CUBN: variants seen among roughly 807,000 people sequenced by gnomAD.
CUBN encodes 460 kDa receptor.
CUBN carries 282 observed loss-of-function variants against 405.3 expected under a neutral mutation model. The observed-to-expected ratio is 0.70, with a 90% confidence interval of 0.63 to 0.77. The LOEUF is 0.77. Among genes scored for constraint, CUBN ranks in the 30% least tolerant of loss-of-function variants. The pLI is 0.00. For missense variants in CUBN, 4,514 were observed against 4,475.2 expected (o/e 1.01, Z -0.25); for synonymous variants, 1,684 against 1,617.0 (o/e 1.04, Z -0.99).
chr10:16,843,340 T>C (rs1564381144), intron 60 of CUBN, among the ~76,000 whole-genome samples: 6 of 152,360 alleles, frequency 3.9e-5, no homozygotes, highest in Admixed American at 3.3e-4. Context: ...AACAGAGCTA[T>C]GTGTTCAAGG....
intron 21 of CUBN, among the ~76,000 whole-genome samples, chr10:17,066,976 G>A (rs1835624572): frequency 6.6e-6 from 1 of 152,104 alleles, no homozygotes; most frequent in African/African-American, 2.4e-5. Context: ...AAACAAATGA[G>A]TTTAAAGGCA....
chr10:16,944,401 T>G (rs1842727447), intron 36 of CUBN, among the ~76,000 whole-genome samples: 1 of 152,230 alleles, frequency 6.6e-6, no homozygotes, highest in Non-Finnish European at 1.5e-5. Context: ...CCGTTCCTTT[T>G]TGTTGCAGAT....
In CUBN at chr10:17,108,249, T is replaced by A. The variant is rs184577573; in HGVS notation, c.1111+1391A>T. Among the ~76,000 whole-genome samples, 11 of 152,276 alleles carry A rather than the reference T, an allele frequency of 7.2e-5. No homozygotes were observed. The East Asian group carries it at 1.7e-3, about 24-fold the overall frequency. On this transcript the variant is annotated intron_variant, in intron 10 of 66. Transcript: ENST00000377833. ...AGAACTAAAGCACAGAGATTAAGTG[T>A]CTTCACTGAGGACAAGCAGCTAAAA...
intron 31 of CUBN, among the ~76,000 whole-genome samples, chr10:16,980,622 G>A (rs919314559): frequency 5.3e-5 from 8 of 152,170 alleles, no homozygotes; most frequent in Admixed American, 2.6e-4. Flanking sequence ...ATTCTCACTC[G>A]TAAGTGGGAG....
chr10:17,051,433 T>C (rs529007775), intron 22 of CUBN, among the ~76,000 whole-genome samples: 1 of 151,512 alleles, frequency 6.6e-6, no homozygotes, highest in Non-Finnish European at 1.5e-5. Flanking sequence ...TCAAGAAAAA[T>C]GTGGTCATAG....
At chr10:16,867,510 A>T (rs1301934623) in intron 59 of CUBN, among the ~76,000 whole-genome samples, 1 of 152,214 alleles carries the variant, frequency 6.6e-6, no homozygotes, top group South Asian at 2.1e-4. Context: ...AAATCATAAT[A>T]CTTAGGTTTT....
intron 22 of CUBN, among the ~76,000 whole-genome samples, chr10:17,063,131 G>A (rs555731764): frequency 6.6e-6 from 1 of 152,130 alleles, no homozygotes; most frequent in East Asian, 1.9e-4. Flanking sequence ...AATGCTGCAG[G>A]ACCCCCCCTC....
chr10:16,841,947 T>A (rs1157072525), intron 60 of CUBN, among the ~76,000 whole-genome samples: 1 of 141,896 alleles, frequency 7.0e-6, no homozygotes, highest in Non-Finnish European at 1.5e-5. Flanking sequence ...CCCAACTCAA[T>A]AAGGCCTTCC....
chr10:17,123,492 G>C, intron 5 of CUBN, 96 bp downstream of exon 5: 1 of 986,554 alleles, frequency 1.0e-6, no homozygotes, highest in South Asian at 1.4e-5. Flanking sequence ...CAGAATCCTA[G>C]AAACTTTAGA....
intron 28 of CUBN, among the ~76,000 whole-genome samples, chr10:17,002,281 A>T (rs969170236): frequency 2.0e-5 from 3 of 152,100 alleles, no homozygotes; most frequent in Non-Finnish European, 4.4e-5. Context: ...TCATACGAAA[A>T]AGTGTGGAAT....
In CUBN at chr10:17,129,138, T is replaced by A; in HGVS notation, c.235A>T (p.Ser79Cys). The change falls in exon 2 of 67, where the codon AGT (serine) becomes TGT (cysteine). Residue 79 changes from serine (S) to cysteine (C), a missense_variant. Physicochemically the swap from Ser to Cys is moderately radical, Grantham distance 112. Around this residue, in one of 5 missense-constraint regions of CUBN, gnomAD observed 1,448 missense variants for 1,388.0 expected, o/e 1.04. Coordinates refer to ENST00000377833, the MANE Select transcript of CUBN (RefSeq NM_001081.4). ...TGTATTACCTGATGTAAACACTCACTGAGATCTTCATCATTTAATTTAATT... is the reference window on the plus strand; with the variant it reads ...TGTATTACCTGATGTAAACACTCACAGAGATCTTCATCATTTAATTTAATT... ...GKIKLNDEDL[S>C]ECLHQIQKNK... is the part of the protein sequence containing the mutation. The A allele has an allele frequency of 6.2e-7, 1 of 1,612,206 alleles. No individual in the cohort carries two copies. The highest frequency in any genetic ancestry group is 1.1e-5 in the South Asian group (1 of 91,044).
At chr10:17,034,148 A>G (rs7894538) in intron 27 of CUBN, among the ~76,000 whole-genome samples, 10,174 of 152,250 alleles carry the variant, frequency 0.067, 1,133 homozygotes, top group African/African-American at 0.23. Flanking sequence ...CCCCCACACT[A>G]TCACGAGGAC....
At chr10:16,997,807 C>T (rs1327110537) in intron 28 of CUBN, among the ~76,000 whole-genome samples, 1 of 152,036 alleles carries the variant, frequency 6.6e-6, no homozygotes, top group Non-Finnish European at 1.5e-5. Context: ...AGTTAATTCC[C>T]CAACATTTCA....
chr10:16,884,234 G>A (rs11254259), intron 56 of CUBN, among the ~76,000 whole-genome samples: 8,430 of 152,022 alleles, frequency 0.055, 769 homozygotes, highest in East Asian at 0.32. Flanking sequence ...CGCCCACCTC[G>A]GCCTCCCAAA....
chr10:17,122,960 T>C, intron 5 of CUBN, 62 bp from the exon 6 acceptor site: 1 of 1,107,980 alleles, frequency 9.0e-7, no homozygotes, highest in Non-Finnish European at 1.4e-6. Context: ...GGAGCGAACA[T>C]TCACATGATA....
At chr10:16,967,805 A>G (rs917595910) in intron 31 of CUBN, among the ~76,000 whole-genome samples, 25 of 114,572 alleles carry the variant, frequency 2.2e-4, no homozygotes, top group Admixed American at 9.5e-4. Context: ...CGGAGAGAGA[A>G]AGAAGGAGAG....
intron 7 of CUBN, among the ~76,000 whole-genome samples, chr10:17,114,792 C>T (rs1836851216): frequency 6.6e-6 from 1 of 152,106 alleles, no homozygotes. Flanking sequence ...TGCAGCAGTT[C>T]CAGAGACCCA....
chr10:16,954,863 C>A (rs1343993125), intron 31 of CUBN, among the ~76,000 whole-genome samples: 1 of 152,156 alleles, frequency 6.6e-6, no homozygotes, highest in Non-Finnish European at 1.5e-5. Flanking sequence ...ATGCCCACAA[C>A]ATGTGCTGGA....
At chr10:16,896,879 C>A (rs889493784) in intron 54 of CUBN, among the ~76,000 whole-genome samples, 1 of 152,134 alleles carries the variant, frequency 6.6e-6, no homozygotes. Context: ...ATTGTGCAGA[C>A]TGGGTGAATT....
Sources: allele counts gnomAD v4.1 joint callset (sites outside exome capture counted in the v4.1 genomes callset), GRCh38; gene constraint gnomAD v4.1.1; regional missense constraint gnomAD v4.1.1; transcripts MANE v1.5; gene names NCBI Gene and HGNC (gene_info 2026-07-23, HGNC 2026-07-21).